The following GLIS3 variants were observed in gnomAD, a reference collection of about 807,000 sequenced individuals.
The protein encoded by GLIS3 is GLIS family zinc finger 3.
Under a neutral mutation model 78.6 loss-of-function variants are expected in GLIS3, and 53 were observed. The observed-to-expected ratio is 0.67, with a 90% CI of 0.54 to 0.85. The LOEUF (loss-of-function observed/expected upper bound fraction) is 0.85. Ranked by LOEUF, GLIS3 falls within the 40% of genes least tolerant of loss-of-function variation. The pLI is 0.00. For synonymous variants in GLIS3, 684 were observed against 509.9 expected (o/e 1.34, Z -4.60); for missense variants, 1,703 against 1,231.1 (o/e 1.38, Z -5.74).
intron 8 of GLIS3, among the ~76,000 whole-genome samples, chr9:3,869,405 A>G (rs1820831455): frequency 6.6e-6 from 1 of 152,198 alleles, no homozygotes; most frequent in Admixed American, 6.5e-5. Context: ...CGCTACATAT[A>G]CAAATAAGTG....
chr9:4,443,859 G>A, the GLIS3 span, among the ~76,000 whole-genome samples: 3 of 152,118 alleles, frequency 2.0e-5, no homozygotes, highest in South Asian at 2.1e-4. Flanking sequence ...TGTCAAAAAG[G>A]TTGGCTCAAA....
chr9:4,051,298 G>A (rs528441721), intron 4 of GLIS3, among the ~76,000 whole-genome samples: 30 of 152,310 alleles, frequency 2.0e-4, no homozygotes, highest in African/African-American at 7.0e-4. Context: ...GAAAAAGAAA[G>A]GTGTGTGTGG....
chr9:3,896,161 G>A (rs1822815042), intron 7 of GLIS3, among the ~76,000 whole-genome samples: 1 of 152,114 alleles, frequency 6.6e-6, no homozygotes, highest in Admixed American at 6.5e-5. Context: ...GATCTAGGGC[G>A]AAGGTTTGCA....
chr9:4,347,018 A>G (rs7019509), intron 2 of GLIS3: 38,915 of 151,592 alleles, frequency 0.26, 6,282 homozygotes, highest in African/African-American at 0.46. Flanking sequence ...TCCATTTTGT[A>G]TTGCTATAAA....
intron 1 of GLIS3, among the ~76,000 whole-genome samples, chr9:4,296,266 T>C (rs141736522): frequency 1.2e-3 from 182 of 149,972 alleles, no homozygotes; most frequent in African/African-American, 4.3e-3. Context: ...CAGGCTTAAT[T>C]TACTAGCAGG....
the GLIS3 span, among the ~76,000 whole-genome samples, chr9:4,359,499 A>G: frequency 2.6e-5 from 4 of 152,074 alleles, no homozygotes; most frequent in African/African-American, 9.7e-5. Context: ...CCCACCTCCT[A>G]CCACCTTTAA....
chr9:4,104,940 G>C (rs1830640678), intron 4 of GLIS3, among the ~76,000 whole-genome samples: 2 of 152,184 alleles, frequency 1.3e-5, no homozygotes, highest in Non-Finnish European at 2.9e-5. Context: ...AATAGAGATA[G>C]TTGTTAGAGG....
intron 2 of GLIS3, among the ~76,000 whole-genome samples, chr9:4,333,455 T>C (rs1343849881): frequency 6.6e-6 from 1 of 152,126 alleles, no homozygotes; most frequent in East Asian, 1.9e-4. Flanking sequence ...AACAAGCAAA[T>C]AATCTAATCT....
the GLIS3 span, among the ~76,000 whole-genome samples, chr9:4,438,069 G>A: frequency 6.6e-6 from 1 of 152,062 alleles, no homozygotes; most frequent in Non-Finnish European, 1.5e-5. Context: ...TTTTTCAATG[G>A]TCAGCTGTAG....
At chr9:3,839,915 A>G (rs907858302) in intron 9 of GLIS3, among the ~76,000 whole-genome samples, 1 of 152,202 alleles carries the variant, frequency 6.6e-6, no homozygotes, top group African/African-American at 2.4e-5. Flanking sequence ...CCTGAAGTGT[A>G]GAAACAGAGA....
intron 2 of GLIS3, among the ~76,000 whole-genome samples, chr9:4,159,771 T>C (rs192071480): frequency 0.01 from 1,522 of 152,008 alleles, 24 homozygotes; most frequent in Non-Finnish European, 0.011. Context: ...AAATCTGTGC[T>C]TGGGGGTTGG....
In GLIS3 at chr9:4,161,079, TAAAAAAAA is replaced by T. The variant is rs59854446; in HGVS notation, c.389-35146_389-35139del. Among the ~76,000 whole-genome samples the T allele has an allele frequency of 3.7e-5, 5 of 135,824 alleles. No homozygotes were observed. In the South Asian group the frequency reaches 1.2e-3, roughly 32 times the overall value. 89.1% of individuals were successfully genotyped at this position (135,824 alleles called of 152,430 possible). A position where few individuals can be genotyped will look rare whatever the true frequency, so the allele number is the denominator to read the frequency against. ...GGAAATGTAGTGAGACCCCATCTCT[TAAAAAAAA>T]AAAAAAAAGAAAGAAAGAAAGAAAA... On this transcript the variant is annotated intron_variant, in intron 2 of 10. Coordinates refer to ENST00000381971, the MANE Select transcript of GLIS3 (RefSeq NM_001042413.2).
chr9:3,974,506 G>A (rs1358361382), intron 4 of GLIS3, among the ~76,000 whole-genome samples: 2 of 152,126 alleles, frequency 1.3e-5, no homozygotes, highest in Admixed American at 6.6e-5. Flanking sequence ...GAACTGACTG[G>A]GAGCAGAAAA....
chr9:4,113,592 T>C (rs770317703), intron 4 of GLIS3, among the ~76,000 whole-genome samples: 26 of 152,220 alleles, frequency 1.7e-4, no homozygotes, highest in African/African-American at 5.1e-4. Flanking sequence ...CCTCTGGTCA[T>C]AGACCACATC....
intron 6 of GLIS3, among the ~76,000 whole-genome samples, chr9:3,912,772 C>T (rs1426978946): frequency 6.6e-6 from 1 of 152,084 alleles, no homozygotes; most frequent in Admixed American, 6.5e-5. Flanking sequence ...ATGCATTCTT[C>T]TTTTTTTAGA....
At chr9:3,855,972 T>G in intron 9 of GLIS3, 37 bp downstream of exon 9, 3 of 1,610,748 alleles carry the variant, frequency 1.9e-6, no homozygotes, top group Non-Finnish European at 2.5e-6. Flanking sequence ...ACAATGTCAC[T>G]TTTCAAAACT....
chr9:4,419,354 C>T, the GLIS3 span, among the ~76,000 whole-genome samples: 3 of 152,162 alleles, frequency 2.0e-5, no homozygotes, highest in Non-Finnish European at 2.9e-5. Context: ...GTTTAATTGG[C>T]TCACCGTTCT....
chr9:4,463,780 T>G, the GLIS3 span, among the ~76,000 whole-genome samples: 3 of 152,230 alleles, frequency 2.0e-5, no homozygotes, highest in Admixed American at 6.5e-5. Flanking sequence ...TTTCTCCATT[T>G]TTCTGTTTCT....
At chr9:4,176,038 G>T (rs943132591) in intron 2 of GLIS3, among the ~76,000 whole-genome samples, 10 of 152,130 alleles carry the variant, frequency 6.6e-5, no homozygotes, top group African/African-American at 2.4e-4. Flanking sequence ...ACAGAGAACT[G>T]CAAGTGTGCC....
Sources: allele counts gnomAD v4.1 joint callset (sites outside exome capture counted in the v4.1 genomes callset), GRCh38; gene constraint gnomAD v4.1.1; transcripts MANE v1.5; gene names NCBI Gene and HGNC (gene_info 2026-07-23, HGNC 2026-07-21).